SOX5: variants seen among roughly 807,000 people sequenced by gnomAD.
SOX5 encodes the protein transcription factor SOX-5.
A neutral mutation model predicts 92.0 loss-of-function variants in SOX5; 9 were observed. The observed-to-expected ratio is 0.10, with a 90% CI of 0.06 to 0.17. SOX5 has a LOEUF of 0.17. Among genes scored for constraint, SOX5 ranks in the 10% least tolerant of loss-of-function variants. SOX5 has a pLI of 1.00. For synonymous variants in SOX5, 344 were observed against 336.3 expected, an observed-to-expected ratio of 1.02 and a Z score of -0.25; for missense variants, 642 against 944.5, an observed-to-expected ratio of 0.68 and a Z score of 4.20.
At chr12:24,122,003 A>T (rs1441383404) in intron 4 of SOX5, among the ~76,000 whole-genome samples, 1 of 152,114 alleles carries the variant, frequency 6.6e-6, no homozygotes, top group Admixed American at 6.5e-5. Context: ...TCATGCCCTA[A>T]CTGAAGGGGG....
intron 1 of SOX5, among the ~76,000 whole-genome samples, chr12:23,917,188 G>A (rs989014811): frequency 5.3e-5 from 8 of 152,050 alleles, no homozygotes; most frequent in Non-Finnish European, 1.0e-4. Flanking sequence ...AGAGATACAA[G>A]ATTTTTTAAA....
chr12:24,502,314 A>G (rs754146360), intron 1 of SOX5, among the ~76,000 whole-genome samples: 9 of 152,206 alleles, frequency 5.9e-5, no homozygotes, highest in Non-Finnish European at 1.3e-4. Flanking sequence ...AGAAAGTGAG[A>G]GAAAAAGGAA....
At chr12:24,091,428 ATTTT>A (rs556198750) in intron 4 of SOX5, among the ~76,000 whole-genome samples, 6 of 122,696 alleles carry the variant, frequency 4.9e-5, no homozygotes, top group Non-Finnish European at 3.3e-5. Flanking sequence ...AGAGAATGCT[ATTTT>A]TTTTTTTTTT....
intron 2 of SOX5, among the ~76,000 whole-genome samples, chr12:23,858,793 G>T (rs536094454): frequency 1.3e-5 from 2 of 152,172 alleles, no homozygotes; most frequent in African/African-American, 4.8e-5. Flanking sequence ...GACCCTGAAC[G>T]GAGGGACCAG....
chr12:23,957,825 T>G (rs1159004270), intron 4 of SOX5, among the ~76,000 whole-genome samples: 1 of 152,176 alleles, frequency 6.6e-6, no homozygotes, highest in African/African-American at 2.4e-5. Context: ...AATCTTAAAT[T>G]TATACCCGTA....
At chr12:24,141,187 T>G (rs189393085) in intron 4 of SOX5, among the ~76,000 whole-genome samples, 52 of 152,274 alleles carry the variant, frequency 3.4e-4, no homozygotes, top group African/African-American at 1.2e-3. Flanking sequence ...ATATGGAATG[T>G]TTTTTTAAAC....
At chr12:23,782,863 C>T (rs983354794) in intron 3 of SOX5, among the ~76,000 whole-genome samples, 2 of 152,024 alleles carry the variant, frequency 1.3e-5, no homozygotes, top group Admixed American at 6.6e-5. Flanking sequence ...ACAACAGAGA[C>T]ATGAATTTTT....
At chr12:24,140,253 G>GA (rs1267093142) in intron 4 of SOX5, among the ~76,000 whole-genome samples, 1 of 152,142 alleles carries the variant, frequency 6.6e-6, no homozygotes, top group Non-Finnish European at 1.5e-5. Context: ...TAAGGGAGGG[G>GA]TGGTGGTGTT....
chr12:23,634,472 G>A (rs2078961701), intron 8 of SOX5, among the ~76,000 whole-genome samples: 1 of 151,948 alleles, frequency 6.6e-6, no homozygotes, highest in Admixed American at 6.6e-5. Context: ...TCCATGCAGA[G>A]GAAAGAGCTA....
chr12:24,060,173 C>T (rs1939389657), intron 4 of SOX5, among the ~76,000 whole-genome samples: 2 of 152,180 alleles, frequency 1.3e-5, no homozygotes, highest in South Asian at 4.2e-4. Flanking sequence ...CTATTGTGTG[C>T]CAGAAACTAT....
At chr12:23,659,038 G>A (rs574136116) in intron 7 of SOX5, among the ~76,000 whole-genome samples, 44 of 152,244 alleles carry the variant, frequency 2.9e-4, no homozygotes, top group South Asian at 1.2e-3. Context: ...TGATAAAAGC[G>A]TACCATGTTG....
chr12:23,924,196 C>A (rs939073551), intron 1 of SOX5, among the ~76,000 whole-genome samples: 1 of 152,118 alleles, frequency 6.6e-6, no homozygotes, highest in African/African-American at 2.4e-5. Context: ...ATGGAAATAT[C>A]AAAAATCTCA....
chr12:23,830,114 G>A (rs2096291348), intron 3 of SOX5, among the ~76,000 whole-genome samples: 1 of 152,168 alleles, frequency 6.6e-6, no homozygotes, highest in Admixed American at 6.6e-5. Context: ...GGAGATGACA[G>A]TGAACAAGTT....
At chr12:23,608,108 G>GAAAAAAAAAAAAAAAAAAAAAA (rs1566278538) in intron 8 of SOX5, among the ~76,000 whole-genome samples, 1 of 5,676 alleles carries the variant, frequency 1.8e-4, no homozygotes, top group African/African-American at 2.6e-4. Flanking sequence ...TGTCTCAAAA[G>GAAAAAAAAAAAAAAAAAAAAAA]AAAAAAGAAA....
chr12:24,481,688 C>T (rs1268429580), intron 1 of SOX5, among the ~76,000 whole-genome samples: 1 of 152,146 alleles, frequency 6.6e-6, no homozygotes. Flanking sequence ...TACAAAGACA[C>T]AACTAAAAAG....
chr12:24,554,107 A>C (rs1252506551), intron 1 of SOX5, among the ~76,000 whole-genome samples: 1 of 152,238 alleles, frequency 6.6e-6, no homozygotes, highest in Non-Finnish European at 1.5e-5. Flanking sequence ...GGTGCACAGG[A>C]ATATCAAGCA....
At chr12:24,082,213 T>G (rs780914721) in intron 4 of SOX5, among the ~76,000 whole-genome samples, 69 of 151,710 alleles carry the variant, frequency 4.5e-4, no homozygotes, top group Admixed American at 7.9e-4. Context: ...ATGATGGGAC[T>G]GGAACTATTA....
intron 2 of SOX5, among the ~76,000 whole-genome samples, chr12:24,321,500 A>G (rs189763503): frequency 1.5e-4 from 23 of 152,334 alleles, no homozygotes; most frequent in Admixed American, 1.2e-3. Context: ...ATAAAAGTCA[A>G]AGAAAATACA....
rs1382614160 is a variant in SOX5, at chr12:23,529,787, ATTATT to A, written c.*4427_*4431del. The A allele has an allele frequency of 6.6e-6, 1 of 152,162 alleles. No homozygotes were observed. The highest frequency in any genetic ancestry group is 1.9e-4 in the East Asian group (1 of 5,206). 9.4% of individuals were successfully genotyped at this position (152,162 alleles called of 1,614,324 possible). A position where few individuals can be genotyped will look rare whatever the true frequency, so the allele number is the denominator to read the frequency against. On this transcript the variant is annotated 3_prime_UTR_variant, in exon 15 of 15. Coordinates refer to ENST00000451604, the MANE Select transcript of SOX5 (RefSeq NM_006940.6). ...CTATGTTATATTTACATAATTACTT[ATTATT>A]TTATTAAATTTCAAGTGAGATGGTA...
Sources: allele counts gnomAD v4.1 joint callset (sites outside exome capture counted in the v4.1 genomes callset), GRCh38; gene constraint gnomAD v4.1.1; transcripts MANE v1.5; gene names NCBI Gene and HGNC (gene_info 2026-07-23, HGNC 2026-07-21).